Variants in CLMP observed in about 807,000 individuals in gnomAD.
The protein encoded by CLMP is CXADR like cell adhesion molecule, also known as CXADR-like membrane protein.
A neutral mutation model predicts 45.2 loss-of-function variants in CLMP; 27 were observed. The observed-to-expected ratio is 0.60, with a 90% CI of 0.44 to 0.82. The LOEUF (loss-of-function observed/expected upper bound fraction) is 0.82, where lower values mean the gene tolerates loss of function less well. CLMP is among the 40% of genes least tolerant of loss of function. The probability of loss-of-function intolerance (pLI) is 0.00; values close to 1 mark genes in which losing one functional copy is unlikely to be tolerated. For missense variants in CLMP, 403 were observed against 448.4 expected (o/e 0.90, Z 0.91); for synonymous variants, 167 against 171.4 (o/e 0.97, Z 0.20).
At chr11:123,079,378 T>C (rs1865775506) in intron 5 of CLMP, among the ~76,000 whole-genome samples, 1 of 152,220 alleles carries the variant, frequency 6.6e-6, no homozygotes, top group Non-Finnish European at 1.5e-5. Context: ...AAAAGGATTT[T>C]TGGGGGCCTC....
At chr11:123,150,622 GA>G (rs1251066717) in intron 1 of CLMP, among the ~76,000 whole-genome samples, 5 of 149,306 alleles carry the variant, frequency 3.3e-5, no homozygotes, top group East Asian at 2.0e-4. Flanking sequence ...AGGAAGGAAG[GA>G]AAGGAAGGAA....
At chr11:123,168,500 T>C (rs1457459689) in intron 1 of CLMP, among the ~76,000 whole-genome samples, 1 of 152,210 alleles carries the variant, frequency 6.6e-6, no homozygotes, top group African/African-American at 2.4e-5. Flanking sequence ...TCACGGGGAA[T>C]GAGGAAGCCT....
At chr11:123,114,468 CTTCCT>C in intron 1 of CLMP, among the ~76,000 whole-genome samples, 1 of 125,954 alleles carries the variant, frequency 7.9e-6, no homozygotes, top group Admixed American at 8.5e-5. Context: ...CCCTTCCTTC[CTTCCT>C]TTTTTTTTTT....
In CLMP at chr11:123,085,789, T is replaced by G. The variant is rs1427856016; in HGVS notation, c.187-1076A>C. On this transcript the variant is annotated intron_variant, in intron 2 of 6. Transcript: ENST00000448775. The stretch of plus-strand genomic sequence containing the variant: ...TTTATGTTTTTTTTTTTTTGTTTTT[T>G]TTTTGAGATAGAGTCTCACTCTTGT... Among the ~76,000 whole-genome samples the G allele has an allele frequency of 5.3e-5, 8 of 151,100 alleles. No homozygotes were observed. The East Asian group carries it at 9.7e-4, about 18-fold the overall frequency.
intron 1 of CLMP, among the ~76,000 whole-genome samples, chr11:123,114,443 C>T (rs1258676336): frequency 3.5e-5 from 5 of 141,640 alleles, no homozygotes; most frequent in South Asian, 2.3e-4. Context: ...TCCCTCCCTC[C>T]CTCCCTCTCT....
intron 1 of CLMP, among the ~76,000 whole-genome samples, chr11:123,155,890 C>G (rs1390097431): frequency 6.6e-6 from 1 of 152,128 alleles, no homozygotes; most frequent in Non-Finnish European, 1.5e-5. Context: ...ATGAGAATGA[C>G]AAAGCAGCCC....
chr11:123,163,209 C>T (rs1049223621), intron 1 of CLMP, among the ~76,000 whole-genome samples: 3 of 152,110 alleles, frequency 2.0e-5, no homozygotes, highest in Non-Finnish European at 2.9e-5. Context: ...GAAAATGCCA[C>T]GGCTAGATCT....
chr11:123,184,792 A>G (rs568648609), intron 1 of CLMP, among the ~76,000 whole-genome samples: 1 of 152,392 alleles, frequency 6.6e-6, no homozygotes, highest in South Asian at 2.1e-4. Flanking sequence ...ACGGGATTTT[A>G]CATGCATTCA....
At chr11:123,190,016 A>C (rs11219057) in intron 1 of CLMP, among the ~76,000 whole-genome samples, 69,603 of 150,248 alleles carry the variant, frequency 0.46, 18,712 homozygotes, top group South Asian at 0.63. Flanking sequence ...AAAAAAAAAA[A>C]AAAAAAACAA....
At chr11:123,134,257 T>TAA (rs543288437) in intron 1 of CLMP, among the ~76,000 whole-genome samples, 4 of 143,168 alleles carry the variant, frequency 2.8e-5, no homozygotes, top group Admixed American at 1.4e-4. Context: ...GACTCTGTCT[T>TAA]AAAAAAAAAA....
intron 1 of CLMP, among the ~76,000 whole-genome samples, chr11:123,106,418 TGTGTGTGCGC>T (rs1248880714): frequency 1.1e-3 from 114 of 103,364 alleles, no homozygotes; most frequent in Non-Finnish European, 1.7e-3. Context: ...TGTGTGTGTG[TGTGTGTGCGC>T]GCGCGCGCGC....
intron 1 of CLMP, among the ~76,000 whole-genome samples, chr11:123,106,006 G>A (rs546571695): frequency 2.6e-5 from 4 of 151,896 alleles, no homozygotes; most frequent in African/African-American, 7.2e-5. Context: ...TAGTAGAGAC[G>A]GGGTTTCACC....
intron 3 of CLMP, 76 bp downstream of exon 3, chr11:123,084,436 C>A: frequency 8.5e-7 from 1 of 1,177,108 alleles, no homozygotes; most frequent in Non-Finnish European, 1.2e-6. Flanking sequence ...TTTTGTACCA[C>A]CGTGATGCAT....
Position 123,073,233 on chromosome 11 carries a change from T to C in CLMP, c.*241A>G. On this transcript the variant is annotated 3_prime_UTR_variant, in exon 7 of 7. Coordinates refer to ENST00000448775, the MANE Select transcript of CLMP (RefSeq NM_024769.5). ...CAACAAATAGATTTGGACTCCTGCT[T>C]TCCCTTACTCTGGTCTAAAGGCACA... 2.4e-6 allele frequency: 1 copy of C among 408,194 alleles called. No homozygotes were observed. The highest frequency in any genetic ancestry group is 4.3e-6 in the Non-Finnish European group (1 of 231,128). The allele number at this position is 408,194 out of a possible 1,614,324, so 25.3% of individuals were successfully genotyped here. A position where few individuals can be genotyped will look rare whatever the true frequency, so the allele number is the denominator to read the frequency against.
chr11:123,156,382 A>G (rs561512423), intron 1 of CLMP, among the ~76,000 whole-genome samples: 1 of 152,220 alleles, frequency 6.6e-6, no homozygotes, highest in Non-Finnish European at 1.5e-5. Flanking sequence ...TTTAGCCCCA[A>G]CCAAGTCTTC....
At chr11:123,074,945 G>GGTTT in intron 5 of CLMP, 102 bp from the exon 6 acceptor site, 1 of 1,345,336 alleles carries the variant, frequency 7.4e-7, no homozygotes, top group Non-Finnish European at 1.0e-6. Flanking sequence ...AGTATTTGCA[G>GGTTT]GTTTGTTTGT....
At chr11:123,157,777 G>A (rs367673975) in intron 1 of CLMP, among the ~76,000 whole-genome samples, 3 of 149,860 alleles carry the variant, frequency 2.0e-5, no homozygotes, top group East Asian at 2.0e-4. Flanking sequence ...TGGAGTTACC[G>A]GCCTGGGTTC....
At chr11:123,078,339 TAAAG>T (rs1476747908) in intron 5 of CLMP, among the ~76,000 whole-genome samples, 3 of 152,184 alleles carry the variant, frequency 2.0e-5, no homozygotes, top group South Asian at 2.1e-4. Context: ...AATGGGGAAT[TAAAG>T]AAACCAGACA....
At chr11:123,092,301 C>CTTTT (rs35001693) in intron 2 of CLMP, among the ~76,000 whole-genome samples, 1 of 148,894 alleles carries the variant, frequency 6.7e-6, no homozygotes, top group Non-Finnish European at 1.5e-5. Flanking sequence ...AAGACACACA[C>CTTTT]TTTTTTTTCT....
Sources: gnomAD v4.1 joint callset for allele counts (sites outside exome capture counted in the v4.1 genomes callset) on GRCh38, gnomAD v4.1.1 for gene constraint, MANE v1.5 for transcripts, NCBI Gene and HGNC (gene_info 2026-07-23, HGNC 2026-07-21) for gene names.